The following EPHA7 variants were observed in gnomAD, a reference collection of about 807,000 sequenced individuals.
EPHA7 encodes EPH receptor A7.
EPHA7 carries 25 observed loss-of-function variants against 112.6 expected under a neutral mutation model. The ratio of observed to expected loss-of-function variants is 0.22; its 90% CI spans 0.16 to 0.31. EPHA7 has a LOEUF of 0.31. EPHA7 is among the 10% of genes least tolerant of loss of function. The pLI is 1.00. For synonymous variants in EPHA7, 437 were observed against 406.5 expected, an observed-to-expected ratio of 1.07 and a Z score of -0.90; for missense variants, 962 against 1,212.6, an observed-to-expected ratio of 0.79 and a Z score of 3.07.
chr6:93,411,580 C>A (rs986106467), intron 2 of EPHA7, among the ~76,000 whole-genome samples: 3 of 152,010 alleles, frequency 2.0e-5, no homozygotes, highest in Non-Finnish European at 4.4e-5. Flanking sequence ...TTTAAGTGGC[C>A]ATATCATACT....
chr6:93,265,133 A>G (rs779801134), intron 7 of EPHA7, among the ~76,000 whole-genome samples: 1 of 151,616 alleles, frequency 6.6e-6, no homozygotes, highest in African/African-American at 2.4e-5. Flanking sequence ...AAGTACCTTA[A>G]CACACATTAA....
At chr6:93,254,830 TATA>T (rs1048908362) in intron 13 of EPHA7, 34 bp from the exon 14 acceptor site, 37 of 1,555,024 alleles carry the variant, frequency 2.4e-5, no homozygotes, top group Non-Finnish European at 3.2e-5. Flanking sequence ...TTTAAATATG[TATA>T]ATAACTGATA....
chr6:93,276,689 G>C (rs919634314), intron 5 of EPHA7, among the ~76,000 whole-genome samples: 9 of 152,182 alleles, frequency 5.9e-5, no homozygotes, highest in South Asian at 2.1e-4. Context: ...ACAGGCTAGT[G>C]ATTGCATATT....
At chr6:93,317,552 TC>T (rs1773872382) in intron 5 of EPHA7, among the ~76,000 whole-genome samples, 1 of 152,220 alleles carries the variant, frequency 6.6e-6, no homozygotes, top group African/African-American at 2.4e-5. Context: ...TTATTAATTT[TC>T]TTTTTAATGA....
At chr6:93,414,029 A>G (rs1779103922) in intron 2 of EPHA7, among the ~76,000 whole-genome samples, 1 of 151,928 alleles carries the variant, frequency 6.6e-6, no homozygotes, top group South Asian at 2.1e-4. Context: ...ACATTTACAT[A>G]TGAAAAATAA....
chr6:93,245,491 G>A (rs1230087018), intron 15 of EPHA7, 38 bp from the exon 16 acceptor site: 1 of 1,588,824 alleles, frequency 6.3e-7, no homozygotes, highest in East Asian at 2.3e-5. Context: ...ACATTATCCT[G>A]AAATACCAAA....
chr6:93,315,098 G>T (rs1010141666), intron 5 of EPHA7, among the ~76,000 whole-genome samples: 2 of 149,888 alleles, frequency 1.3e-5, no homozygotes, highest in Admixed American at 6.6e-5. Flanking sequence ...TCCTGACCTC[G>T]TGATCCGCCC....
chr6:93,361,742 G>T (rs912824692), intron 3 of EPHA7, among the ~76,000 whole-genome samples: 4 of 151,916 alleles, frequency 2.6e-5, no homozygotes, highest in Admixed American at 6.6e-5. Flanking sequence ...AACATTCTAG[G>T]AATTGTGCAA....
chr6:93,304,190 TGTA>T (rs976993829), intron 5 of EPHA7, among the ~76,000 whole-genome samples: 1 of 151,844 alleles, frequency 6.6e-6, no homozygotes, highest in Admixed American at 6.6e-5. Flanking sequence ...AGTATATACT[TGTA>T]GTATACATTG....
chr6:93,299,793 G>A (rs345715), intron 5 of EPHA7, among the ~76,000 whole-genome samples: 120,220 of 152,218 alleles, frequency 0.79, 47,597 homozygotes, highest in African/African-American at 0.83. Context: ...CTATGCAGCC[G>A]TAAAAAAGAA....
intron 6 of EPHA7, 142 bp downstream of exon 6, chr6:93,272,156 G>A: frequency 1.2e-6 from 1 of 808,584 alleles, no homozygotes; most frequent in East Asian, 2.6e-5. Flanking sequence ...CACAGAGATG[G>A]TTATTATAAA....
chr6:93,348,739 G>C (rs184374784), intron 5 of EPHA7, among the ~76,000 whole-genome samples: 3 of 151,822 alleles, frequency 2.0e-5, no homozygotes, highest in African/African-American at 7.2e-5. Context: ...AATGTCTTCT[G>C]TAACAACCTA....
chr6:93,356,623 G>C lies in EPHA7; in HGVS notation c.1324+94C>G. The C allele has an allele frequency of 5.2e-6, 6 of 1,161,580 alleles. No homozygotes were observed. The South Asian group carries it at 9.0e-5, about 17-fold the overall frequency. The allele number at this position is 1,161,580 out of a possible 1,614,324, so 72.0% of individuals were successfully genotyped here. On this transcript the variant is annotated intron_variant, in intron 5 of 16. Transcript: ENST00000369303. Reference sequence around the variant, plus strand: ...ATAATCAACAAGCTGGAAGAATCAAGCTCTGTGCAGAGAAACTAACTAAAT... The same window carrying C: ...ATAATCAACAAGCTGGAAGAATCAACCTCTGTGCAGAGAAACTAACTAAAT...
At chr6:93,347,310 T>C (rs1441540702) in intron 5 of EPHA7, among the ~76,000 whole-genome samples, 2 of 151,882 alleles carry the variant, frequency 1.3e-5, no homozygotes, top group East Asian at 3.9e-4. Flanking sequence ...CTAAAATTTA[T>C]TAGATGATTA....
At chr6:93,318,927 T>C (rs747646723) in intron 5 of EPHA7, among the ~76,000 whole-genome samples, 2 of 152,114 alleles carry the variant, frequency 1.3e-5, no homozygotes, top group African/African-American at 4.8e-5. Flanking sequence ...ACCATTGTTG[T>C]CACTTAAATT....
At chr6:93,314,554 G>T (rs981746948) in intron 5 of EPHA7, among the ~76,000 whole-genome samples, 3 of 152,072 alleles carry the variant, frequency 2.0e-5, no homozygotes, top group Non-Finnish European at 4.4e-5. Flanking sequence ...TCAACGAAGA[G>T]CAACAAGACC....
intron 5 of EPHA7, among the ~76,000 whole-genome samples, chr6:93,316,710 G>GTTTA (rs1337850621): frequency 6.6e-6 from 1 of 151,972 alleles, no homozygotes; most frequent in Non-Finnish European, 1.5e-5. Context: ...AAGCAAAATT[G>GTTTA]TTTACTATGT....
At chr6:93,362,481 A>G (rs2127951665) in intron 3 of EPHA7, among the ~76,000 whole-genome samples, 1 of 152,236 alleles carries the variant, frequency 6.6e-6, no homozygotes, top group Non-Finnish European at 1.5e-5. Flanking sequence ...CCATTTATAA[A>G]TTATTTAAGA....
rs1172843313 is a variant in EPHA7 at position 93,371,020 on chromosome 6, C to T, written c.833-12609G>A. On this transcript the variant is annotated intron_variant, in intron 3 of 16. Transcript: ENST00000369303. ...AAAAAAAAAGAAAAAAAAACTTAGC[C>T]AGCCGTGGCGGCGGGAGCCTGTAGT... Among the ~76,000 whole-genome samples, 4 of 151,604 alleles carry T rather than the reference C, an allele frequency of 2.6e-5. No individual in the cohort carries two copies. In the East Asian group the frequency reaches 7.8e-4, roughly 30 times the overall value.
Sources: gnomAD v4.1 joint callset for allele counts (sites outside exome capture counted in the v4.1 genomes callset) on GRCh38, gnomAD v4.1.1 for gene constraint, MANE v1.5 for transcripts, NCBI Gene and HGNC (gene_info 2026-07-23, HGNC 2026-07-21) for gene names.